Variants in NRG1 observed in about 807,000 individuals in gnomAD.
The protein encoded by NRG1 is pro-neuregulin-1, membrane-bound isoform.
A neutral mutation model predicts 63.8 loss-of-function variants in NRG1; 18 were observed. The ratio of observed to expected loss-of-function variants is 0.28; its 90% confidence interval spans 0.19 to 0.42. The LOEUF (loss-of-function observed/expected upper bound fraction) is 0.42, where lower values mean the gene tolerates loss of function less well. NRG1 is among the 10% of genes least tolerant of loss of function. The pLI is 1.00. For missense variants in NRG1, 762 were observed against 814.7 expected (o/e 0.94, Z 0.79); for synonymous variants, 302 against 301.3 (o/e 1.00, Z -0.02).
intron 1 of NRG1, among the ~76,000 whole-genome samples, chr8:32,219,044 C>A (rs1245747481): frequency 2.6e-5 from 4 of 152,126 alleles, no homozygotes; most frequent in African/African-American, 9.7e-5. Flanking sequence ...GATGAAGAGG[C>A]AGCTTTTCCT....
At chr8:31,750,471 G>A (rs1816339717) in intron 1 of NRG1, among the ~76,000 whole-genome samples, 1 of 151,906 alleles carries the variant, frequency 6.6e-6, no homozygotes, top group South Asian at 2.1e-4. Context: ...GTCCAAGGTG[G>A]TGATCTGTAA....
At chr8:32,512,768 G>A (rs898021887) in intron 1 of NRG1, among the ~76,000 whole-genome samples, 1 of 152,090 alleles carries the variant, frequency 6.6e-6, no homozygotes, top group Non-Finnish European at 1.5e-5. Flanking sequence ...GCTTTACGTA[G>A]GAGGTGTTAT....
chr8:32,460,696 C>G, intron 1 of NRG1, among the ~76,000 whole-genome samples: 1 of 152,308 alleles, frequency 6.6e-6, no homozygotes, highest in South Asian at 2.1e-4. Context: ...TTGTTTTTCA[C>G]TGGTTCTGCT....
At chr8:32,076,436 GT>G (rs2131093503) in intron 1 of NRG1, among the ~76,000 whole-genome samples, 1 of 7,912 alleles carries the variant, frequency 1.3e-4, no homozygotes, top group South Asian at 0.17. Context: ...ATTCTGGGGT[GT>G]TTCAGCATGT....
intron 5 of NRG1, among the ~76,000 whole-genome samples, chr8:32,696,191 A>G (rs149475284): frequency 6.6e-6 from 1 of 152,238 alleles, no homozygotes; most frequent in African/African-American, 2.4e-5. Flanking sequence ...TTAGGAATAC[A>G]TAGAAAATAA....
intron 1 of NRG1, among the ~76,000 whole-genome samples, chr8:32,089,123 G>A (rs371674148): frequency 7.2e-5 from 11 of 152,254 alleles, no homozygotes; most frequent in African/African-American, 2.6e-4. Flanking sequence ...CCTGGTGGAG[G>A]GGAGAGAAAG....
At chr8:31,983,555 A>T (rs73672018) in intron 1 of NRG1, among the ~76,000 whole-genome samples, 13,732 of 151,744 alleles carry the variant, frequency 0.09, 1,634 homozygotes, top group African/African-American at 0.28. Flanking sequence ...ATTTTTTTAA[A>T]TTTTTTTGCA....
chr8:32,159,746 A>G (rs892877682), intron 1 of NRG1, among the ~76,000 whole-genome samples: 1 of 152,130 alleles, frequency 6.6e-6, no homozygotes, highest in African/African-American at 2.4e-5. Flanking sequence ...AAGGAGGTAA[A>G]TTAATCTGAG....
intron 5 of NRG1, among the ~76,000 whole-genome samples, 181 bp downstream of exon 5, chr8:32,617,066 A>G (rs150731678): frequency 1.2e-4 from 19 of 152,278 alleles, no homozygotes; most frequent in African/African-American, 4.3e-4. Context: ...ACAACTAGAC[A>G]TCCTGTCCTC....
chr8:31,923,388 G>A (rs1834073694), intron 1 of NRG1, among the ~76,000 whole-genome samples: 2 of 152,130 alleles, frequency 1.3e-5, no homozygotes, highest in East Asian at 1.9e-4. Flanking sequence ...TATGACTTTT[G>A]AGAATACATT....
chr8:32,723,608 T>C (rs1274873860), intron 5 of NRG1, among the ~76,000 whole-genome samples: 1 of 142,884 alleles, frequency 7.0e-6, no homozygotes, highest in East Asian at 2.1e-4. Flanking sequence ...GAGAATTGCT[T>C]GAACCTGGGA....
chr8:32,169,034 A>G (rs1839706188), intron 1 of NRG1, among the ~76,000 whole-genome samples: 1 of 152,146 alleles, frequency 6.6e-6, no homozygotes, highest in Non-Finnish European at 1.5e-5. Flanking sequence ...ATAATTTAAG[A>G]TTCCCTGTGG....
chr8:32,277,138 A>C (rs899005444), intron 1 of NRG1, among the ~76,000 whole-genome samples: 1 of 152,234 alleles, frequency 6.6e-6, no homozygotes, highest in Non-Finnish European at 1.5e-5. Context: ...GCCTCCTGCC[A>C]TTGTAATGTA....
chr8:31,715,484 T>TA, intron 1 of NRG1, among the ~76,000 whole-genome samples: 1 of 152,308 alleles, frequency 6.6e-6, no homozygotes, highest in Non-Finnish European at 1.5e-5. Context: ...ATAATAAGTT[T>TA]ATATGTCTCT....
At chr8:32,133,059 G>A (rs1380667350) in intron 1 of NRG1, among the ~76,000 whole-genome samples, 1 of 151,524 alleles carries the variant, frequency 6.6e-6, no homozygotes, top group East Asian at 2.0e-4. Context: ...CTAAAAGCTA[G>A]GAAGTTTCAT....
At chr8:32,039,314 A>G (rs76284783) in intron 1 of NRG1, among the ~76,000 whole-genome samples, 1,646 of 152,260 alleles carry the variant, frequency 0.011, 28 homozygotes, top group African/African-American at 0.037. Flanking sequence ...TGCGATTGTT[A>G]TTCTAGTGTT....
chr8:31,889,864 A>G (rs1054429050), intron 1 of NRG1, among the ~76,000 whole-genome samples: 6 of 152,188 alleles, frequency 3.9e-5, no homozygotes, highest in Admixed American at 2.6e-4. Context: ...AGCAAAGCAC[A>G]TCTCGGAGAA....
At chr8:32,177,126 C>T (rs1244302415) in intron 1 of NRG1, among the ~76,000 whole-genome samples, 2 of 152,134 alleles carry the variant, frequency 1.3e-5, no homozygotes, top group Admixed American at 6.5e-5. Flanking sequence ...GGCACATATA[C>T]ACCATGGAAT....
intron 1 of NRG1, among the ~76,000 whole-genome samples, chr8:32,142,840 T>G (rs189713414): frequency 1.3e-5 from 2 of 152,320 alleles, no homozygotes; most frequent in African/African-American, 2.4e-5. Flanking sequence ...AGGCATGTAT[T>G]TTTTTAAAGA....
Sources: allele counts gnomAD v4.1 joint callset (sites outside exome capture counted in the v4.1 genomes callset), GRCh38; gene constraint gnomAD v4.1.1; transcripts MANE v1.5; gene names NCBI Gene and HGNC (gene_info 2026-07-23, HGNC 2026-07-21).